HMGCLL1: variants seen among roughly 807,000 people sequenced by gnomAD.
HMGCLL1 encodes 3-hydroxymethyl-3-methylglutaryl-CoA lyase, cytoplasmic.
In HMGCLL1, 36 loss-of-function variants were observed where a neutral mutation model predicts 39.1. The ratio of observed to expected loss-of-function variants is 0.92; its 90% CI spans 0.71 to 1.22. The LOEUF is 1.22. HMGCLL1 is among the 50% of genes most tolerant of loss of function. HMGCLL1 has a pLI of 0.00. For synonymous variants in HMGCLL1, 149 were observed against 144.0 expected (o/e 1.03, Z -0.25); for missense variants, 451 against 416.5 (o/e 1.08, Z -0.72).
intron 5 of HMGCLL1, among the ~76,000 whole-genome samples, chr6:55,503,895 T>C (rs1187817903): frequency 6.6e-6 from 1 of 151,746 alleles, no homozygotes; most frequent in Non-Finnish European, 1.5e-5. Flanking sequence ...GCAGCTTGAG[T>C]GTACAGAACC....
intron 1 of HMGCLL1, among the ~76,000 whole-genome samples, chr6:55,573,721 T>G (rs1443166863): frequency 6.6e-6 from 1 of 151,988 alleles, no homozygotes; most frequent in African/African-American, 2.4e-5. Flanking sequence ...ATTCTTCAAA[T>G]TGTAGGCCTA....
At chr6:55,667,385 C>G in the HMGCLL1 span, among the ~76,000 whole-genome samples, 5 of 151,714 alleles carry the variant, frequency 3.3e-5, no homozygotes, top group Non-Finnish European at 7.4e-5. Context: ...TTACATTTAC[C>G]TCATTTAATC....
chr6:55,640,113 G>A, the HMGCLL1 span, among the ~76,000 whole-genome samples: 23 of 151,998 alleles, frequency 1.5e-4, no homozygotes, highest in African/African-American at 5.5e-4. Context: ...TAAGAAAAAG[G>A]GAAAGAAGAA....
At chr6:55,442,731 A>C (rs1262421476) in intron 7 of HMGCLL1, among the ~76,000 whole-genome samples, 1 of 152,142 alleles carries the variant, frequency 6.6e-6, no homozygotes, top group Non-Finnish European at 1.5e-5. Flanking sequence ...TAATGATCTG[A>C]CAAGCTTAGT....
chr6:55,436,934 G>A (rs1029412688), intron 8 of HMGCLL1, among the ~76,000 whole-genome samples: 3 of 151,926 alleles, frequency 2.0e-5, no homozygotes, highest in African/African-American at 7.2e-5. Context: ...ACGGCTTTAC[G>A]TGGAGTATCT....
chr6:55,545,645 G>A (rs1016707748), intron 1 of HMGCLL1, among the ~76,000 whole-genome samples: 4 of 152,088 alleles, frequency 2.6e-5, no homozygotes, highest in Non-Finnish European at 5.9e-5. Flanking sequence ...TAGAAGGTAA[G>A]GAACAGCATG....
intron 1 of HMGCLL1, among the ~76,000 whole-genome samples, chr6:55,558,659 C>A (rs1342776716): frequency 6.6e-6 from 1 of 152,154 alleles, no homozygotes. Context: ...AGCAGAGCCA[C>A]TGCTCCAAGA....
intron 7 of HMGCLL1, among the ~76,000 whole-genome samples, chr6:55,480,874 C>T (rs574269149): frequency 6.6e-6 from 1 of 152,086 alleles, no homozygotes; most frequent in East Asian, 1.9e-4. Flanking sequence ...GTGAAATAAG[C>T]CAGGCACAGA....
intron 7 of HMGCLL1, among the ~76,000 whole-genome samples, chr6:55,492,015 G>A (rs1766334847): frequency 6.6e-6 from 1 of 151,994 alleles, no homozygotes; most frequent in Admixed American, 6.6e-5. Context: ...GACTGAGGGG[G>A]ACGTTCCATT....
At chr6:55,600,225 A>C in the HMGCLL1 span, among the ~76,000 whole-genome samples, 36 of 152,168 alleles carry the variant, frequency 2.4e-4, no homozygotes, top group African/African-American at 8.4e-4. Context: ...CATTAAGTGA[A>C]GTCTAGATAA....
At chr6:55,675,055 G>T in the HMGCLL1 span, among the ~76,000 whole-genome samples, 3 of 152,056 alleles carry the variant, frequency 2.0e-5, no homozygotes, top group Non-Finnish European at 4.4e-5. Context: ...ACATTTACTT[G>T]TGCCTAAGAA....
rs767831751 is a variant in HMGCLL1, at chr6:55,439,516, C to A, written c.839G>T (p.Gly280Val). ...AGAAGCACCTTTTGCATAAGGGCAG[C>A]CACCTAATCCGGATACTGCGGAGTC... is the stretch of plus-strand genomic sequence containing the variant. ...VVDSAVSGLG[G>V]CPYAKGASGN... Residue 280 changes from glycine (G) to valine (V), a missense_variant, in exon 8 of 9, where the codon GGC becomes GTC. Gly to Val is a moderately radical substitution (Grantham distance 109). Transcript: ENST00000274901. The A allele has an allele frequency of 1.2e-6, 2 of 1,612,904 alleles. No homozygotes were observed. The highest frequency in any genetic ancestry group is 3.3e-5 in the Admixed American group (2 of 59,900).
intron 1 of HMGCLL1, among the ~76,000 whole-genome samples, chr6:55,558,953 T>G (rs928670341): frequency 2.6e-5 from 4 of 152,172 alleles, no homozygotes; most frequent in Non-Finnish European, 5.9e-5. Context: ...AAATCTGATT[T>G]CCACCCCAAG....
At chr6:55,528,718 T>G (rs1335835781) in intron 3 of HMGCLL1, among the ~76,000 whole-genome samples, 7 of 151,962 alleles carry the variant, frequency 4.6e-5, no homozygotes, top group Non-Finnish European at 1.0e-4. Flanking sequence ...CAAAACTTCT[T>G]AAGTCCAGAA....
At chr6:55,459,436 A>T (rs1329879403) in intron 7 of HMGCLL1, among the ~76,000 whole-genome samples, 1 of 152,048 alleles carries the variant, frequency 6.6e-6, no homozygotes, top group Non-Finnish European at 1.5e-5. Flanking sequence ...AAGTAGGGAG[A>T]TTCTATGAGC....
intron 5 of HMGCLL1, among the ~76,000 whole-genome samples, chr6:55,503,304 A>G (rs1766989324): frequency 6.6e-6 from 1 of 151,824 alleles, no homozygotes; most frequent in South Asian, 2.1e-4. Flanking sequence ...AGGTGATGCC[A>G]GACTCCAAGA....
intron 3 of HMGCLL1, among the ~76,000 whole-genome samples, chr6:55,538,417 G>A (rs1272791474): frequency 6.6e-6 from 1 of 152,038 alleles, no homozygotes; most frequent in Non-Finnish European, 1.5e-5. Flanking sequence ...CTGTATTAAA[G>A]ACAGAAGTAA....
At chr6:55,505,868 C>A (rs565952457) in intron 5 of HMGCLL1, among the ~76,000 whole-genome samples, 1 of 151,612 alleles carries the variant, frequency 6.6e-6, no homozygotes, top group African/African-American at 2.4e-5. Flanking sequence ...AATGGCATAA[C>A]CTCCTTCAGC....
At chr6:55,529,390 C>A (rs1768508487) in intron 3 of HMGCLL1, among the ~76,000 whole-genome samples, 1 of 152,070 alleles carries the variant, frequency 6.6e-6, no homozygotes, top group African/African-American at 2.4e-5. Context: ...ACTTACACTT[C>A]TTTCTGTAAG....
Sources: gnomAD v4.1 joint callset for allele counts (sites outside exome capture counted in the v4.1 genomes callset) on GRCh38, gnomAD v4.1.1 for gene constraint, MANE v1.5 for transcripts, NCBI Gene and HGNC (gene_info 2026-07-23, HGNC 2026-07-21) for gene names.